OPHN1: variants seen among roughly 807,000 people sequenced by gnomAD.
OPHN1 encodes oligophrenin-1.
In OPHN1, 11 loss-of-function variants were observed where a neutral mutation model predicts 60.7. The ratio of observed to expected loss-of-function variants is 0.18; its 90% CI spans 0.11 to 0.30. The LOEUF (loss-of-function observed/expected upper bound fraction) is 0.30, where lower values mean the gene tolerates loss of function less well. Among genes scored for constraint, OPHN1 ranks in the 10% least tolerant of loss-of-function variants. OPHN1 has a pLI of 1.00. For missense variants in OPHN1, 449 were observed against 611.0 expected (o/e 0.73, Z 2.80); for synonymous variants, 226 against 222.6 (o/e 1.02, Z -0.14).
At position 68,283,403 on chromosome X, in the gene OPHN1, T is replaced by C. The variant is rs187805914; in HGVS notation, c.251-286A>G. ...CTTATTTCATAGACAAGCTAAAAGATTAGGGAAGGGGCAAGAGGTTTGCTG... is the reference window on the plus strand; with the variant it reads ...CTTATTTCATAGACAAGCTAAAAGACTAGGGAAGGGGCAAGAGGTTTGCTG... On this transcript the variant is annotated intron_variant, in intron 3 of 24. Transcript: ENST00000355520. Among the ~76,000 whole-genome samples, 80 of 111,919 alleles carry C rather than the reference T, an allele frequency of 7.1e-4. 1 individual carries two copies. Among genetic ancestry groups the C allele is most frequent in the African/African-American group, 2.5e-3 (78 of 30,788 alleles).
chrX:68,294,622 A>G (rs1303259088), intron 3 of OPHN1, among the ~76,000 whole-genome samples: 1 of 111,200 alleles, frequency 9.0e-6, no homozygotes, highest in Non-Finnish European at 1.9e-5. Context: ...GTCCATGAGG[A>G]CAAGCTTTAT....
chrX:68,332,110 C>T (rs1172417643), intron 2 of OPHN1, among the ~76,000 whole-genome samples: 1 of 111,778 alleles, frequency 8.9e-6, no homozygotes, highest in Non-Finnish European at 1.9e-5. Flanking sequence ...GAATGTTTAT[C>T]TTGAGGACAT....
chrX:68,258,260 T>A (rs1024401385), intron 5 of OPHN1, among the ~76,000 whole-genome samples: 2 of 110,561 alleles, frequency 1.8e-5, no homozygotes, highest in Admixed American at 9.7e-5. Flanking sequence ...TTATTTATTT[T>A]TTTATTTATT....
At chrX:68,420,847 G>GAAAA (rs34592755) in intron 2 of OPHN1, among the ~76,000 whole-genome samples, 2 of 64,998 alleles carry the variant, frequency 3.1e-5, no homozygotes, top group African/African-American at 5.2e-5. Context: ...ATTCTCAACA[G>GAAAA]AAAAAAAAAA....
intron 6 of OPHN1, among the ~76,000 whole-genome samples, chrX:68,233,854 A>G (rs1248144938): frequency 9.0e-6 from 1 of 111,321 alleles, no homozygotes; most frequent in African/African-American, 3.3e-5. Context: ...TATACACATT[A>G]AAGTATGTAA....
chrX:68,290,159 G>T (rs1211957822), intron 3 of OPHN1, among the ~76,000 whole-genome samples: 1 of 111,213 alleles, frequency 9.0e-6, no homozygotes, highest in Admixed American at 9.6e-5. Flanking sequence ...AAAATGAAAT[G>T]ATTTAAAGAC....
intron 2 of OPHN1, among the ~76,000 whole-genome samples, chrX:68,375,359 T>C (rs1177126145): frequency 2.7e-5 from 3 of 111,182 alleles, no homozygotes; most frequent in Non-Finnish European, 5.7e-5. Context: ...TAGCAGGGCA[T>C]GGAGGTGCAC....
intron 3 of OPHN1, among the ~76,000 whole-genome samples, chrX:68,296,819 C>A (rs1260616357): frequency 9.1e-6 from 1 of 110,150 alleles, no homozygotes; most frequent in Non-Finnish European, 1.9e-5. Flanking sequence ...TTTAAAAAAG[C>A]AGCAAAGATG....
chrX:68,411,393 A>C (rs1404295040), intron 2 of OPHN1, among the ~76,000 whole-genome samples: 1 of 112,435 alleles, frequency 8.9e-6, no homozygotes, highest in African/African-American at 3.2e-5. Context: ...GAACCACTGT[A>C]TAAGTGATCC....
chrX:68,142,466 A>G (rs1303327066), intron 15 of OPHN1, among the ~76,000 whole-genome samples: 1 of 112,183 alleles, frequency 8.9e-6, no homozygotes, highest in East Asian at 2.8e-4. Context: ...TTATTGTGGA[A>G]GCTTATGAAA....
At chrX:68,296,853 G>A (rs1217119118) in intron 3 of OPHN1, among the ~76,000 whole-genome samples, 3 of 109,971 alleles carry the variant, frequency 2.7e-5, no homozygotes, top group African/African-American at 9.9e-5. Context: ...CTCTGATGGA[G>A]CCCCACAGAC....
intron 2 of OPHN1, among the ~76,000 whole-genome samples, chrX:68,355,570 G>A (rs185730808): frequency 5.1e-4 from 57 of 112,386 alleles, no homozygotes; most frequent in African/African-American, 1.7e-3. Context: ...TGAGGCTACC[G>A]TGCAAGATCC....
intron 2 of OPHN1, among the ~76,000 whole-genome samples, chrX:68,412,261 C>A (rs1007249234): frequency 8.9e-6 from 1 of 112,040 alleles, no homozygotes. Context: ...TTTACTGGTG[C>A]TCTGAACAGT....
intron 2 of OPHN1, among the ~76,000 whole-genome samples, chrX:68,347,461 G>A (rs892720505): frequency 9.0e-6 from 1 of 110,741 alleles, no homozygotes; most frequent in Non-Finnish European, 1.9e-5. Context: ...GTGACCATAG[G>A]TGCACGCCAC....
At chrX:68,319,226 A>T (rs1009800296) in intron 2 of OPHN1, among the ~76,000 whole-genome samples, 2 of 112,061 alleles carry the variant, frequency 1.8e-5, no homozygotes, top group Non-Finnish European at 3.8e-5. Flanking sequence ...AGGAAATATT[A>T]CTTTTCCAAT....
In OPHN1 at chrX:68,113,161, T is replaced by C. The variant is rs761407530; in HGVS notation, c.1420+20A>G. 8.6e-7 allele frequency: 1 copy of C among 1,168,160 alleles called. No individual in the cohort carries two copies. Reference sequence around the variant, plus strand: ...TAAGAAACTAGGACAACACAGTTAATTAGTAACATAAATACTTACTGGCAG... The same window carrying C: ...TAAGAAACTAGGACAACACAGTTAACTAGTAACATAAATACTTACTGGCAG... On this transcript the variant is annotated intron_variant, in intron 17 of 24. Transcript: ENST00000355520.
At chrX:68,164,045 C>A (rs2077347450) in intron 15 of OPHN1, among the ~76,000 whole-genome samples, 1 of 111,721 alleles carries the variant, frequency 9.0e-6, no homozygotes, top group Admixed American at 9.5e-5. Context: ...AAAATGTCAT[C>A]TAATCCTCAC....
intron 2 of OPHN1, among the ~76,000 whole-genome samples, chrX:68,310,436 G>GA (rs764572311): frequency 9.5e-5 from 10 of 105,474 alleles, no homozygotes; most frequent in Admixed American, 3.1e-4. Flanking sequence ...CTAAGAAGAG[G>GA]AAAAAAAAAA....
chrX:68,105,689 G>A (rs1350703259), intron 18 of OPHN1, among the ~76,000 whole-genome samples: 1 of 109,542 alleles, frequency 9.1e-6, no homozygotes, highest in African/African-American at 3.3e-5. Flanking sequence ...GACAGCATTA[G>A]GAGAAATACC....
Sources: gnomAD v4.1 joint callset for allele counts (sites outside exome capture counted in the v4.1 genomes callset) on GRCh38, gnomAD v4.1.1 for gene constraint, MANE v1.5 for transcripts, NCBI Gene and HGNC (gene_info 2026-07-23, HGNC 2026-07-21) for gene names.